CMIP: variants seen among roughly 807,000 people sequenced by gnomAD.
The protein encoded by CMIP is c-Maf inducing protein.
CMIP carries 13 observed loss-of-function variants against 97.3 expected under a neutral mutation model. The observed-to-expected ratio is 0.13, with a 90% CI of 0.09 to 0.21. The LOEUF (loss-of-function observed/expected upper bound fraction) is 0.21. Among genes scored for constraint, CMIP ranks in the 10% least tolerant of loss-of-function variants. The pLI is 1.00. For missense variants in CMIP, 847 were observed against 1,024.9 expected (o/e 0.83, Z 2.37); for synonymous variants, 538 against 436.3 (o/e 1.23, Z -2.91).
chr16:81,638,517 C>A (rs1339627634), intron 3 of CMIP, among the ~76,000 whole-genome samples: 1 of 152,002 alleles, frequency 6.6e-6, no homozygotes, highest in African/African-American at 2.4e-5. Context: ...GTATCCTTAT[C>A]AAGGCCAGAG....
chr16:81,634,408 A>G (rs2092207726), intron 3 of CMIP, among the ~76,000 whole-genome samples: 1 of 152,064 alleles, frequency 6.6e-6, no homozygotes, highest in Admixed American at 6.5e-5. Context: ...TTCTGTAACC[A>G]TTTCACCTTC....
chr16:81,630,643 G>A (rs1415642251), intron 3 of CMIP: 1 of 152,262 alleles, frequency 6.6e-6, no homozygotes, highest in Non-Finnish European at 1.5e-5. Context: ...AAGGAAGGCA[G>A]AATGGTGGGG....
intron 1 of CMIP, among the ~76,000 whole-genome samples, chr16:81,457,530 C>A (rs1906626302): frequency 6.6e-6 from 1 of 152,200 alleles, no homozygotes; most frequent in African/African-American, 2.4e-5. Flanking sequence ...CCTCCACCTG[C>A]CAGGTGCTGG....
intron 11 of CMIP, among the ~76,000 whole-genome samples, chr16:81,692,805 G>A (rs765189696): frequency 1.3e-5 from 2 of 152,160 alleles, no homozygotes; most frequent in African/African-American, 2.4e-5. Flanking sequence ...AATGAGTGCC[G>A]CCCGCCTTAA....
intron 1 of CMIP, among the ~76,000 whole-genome samples, chr16:81,602,322 T>C (rs1214396861): frequency 6.6e-6 from 1 of 152,258 alleles, no homozygotes; most frequent in Non-Finnish European, 1.5e-5. Flanking sequence ...ATTAAAATAA[T>C]CAGGAAAGTC....
intron 1 of CMIP, among the ~76,000 whole-genome samples, chr16:81,452,394 A>G (rs1457894953): frequency 1.3e-5 from 2 of 152,156 alleles, no homozygotes; most frequent in African/African-American, 4.8e-5. Flanking sequence ...GCCTCCATTC[A>G]GCAGTTAAGT....
chr16:81,651,475 C>G (rs1317621088), intron 3 of CMIP: 1 of 687,888 alleles, frequency 1.5e-6, no homozygotes, highest in East Asian at 1.3e-4. Context: ...GAGGGCAGCG[C>G]TGGATTTCCC....
intron 1 of CMIP, among the ~76,000 whole-genome samples, chr16:81,602,536 A>G (rs1442987062): frequency 6.6e-6 from 1 of 152,218 alleles, no homozygotes; most frequent in Admixed American, 6.5e-5. Flanking sequence ...TCGCCCCCAC[A>G]GTCAATACAG....
intron 18 of CMIP, among the ~76,000 whole-genome samples, chr16:81,704,699 G>A (rs12922021): frequency 5.9e-3 from 98 of 16,614 alleles, no homozygotes; most frequent in Admixed American, 0.01. Flanking sequence ...CCCTGCCCCC[G>A]TCACCCTCCT....
chr16:81,572,955 C>T (rs2091121205), intron 1 of CMIP, among the ~76,000 whole-genome samples: 1 of 152,200 alleles, frequency 6.6e-6, no homozygotes. Context: ...CAAATATCAG[C>T]AAGTTTCACA....
intron 1 of CMIP, among the ~76,000 whole-genome samples, chr16:81,504,884 T>C (rs1258496576): frequency 6.6e-6 from 1 of 152,186 alleles, no homozygotes; most frequent in Admixed American, 6.5e-5. Context: ...TTCAAAAATA[T>C]TGGTTTACAG....
At chr16:81,537,308 G>A (rs1014597017) in intron 1 of CMIP, among the ~76,000 whole-genome samples, 100 of 152,118 alleles carry the variant, frequency 6.6e-4, no homozygotes, top group African/African-American at 2.3e-3. Flanking sequence ...GCCGAGGTGG[G>A]CGGATCACTT....
chr16:81,610,120 G>A (rs2091807148), intron 2 of CMIP, among the ~76,000 whole-genome samples: 1 of 152,188 alleles, frequency 6.6e-6, no homozygotes, highest in South Asian at 2.1e-4. Context: ...TCTGGGGCTG[G>A]AGGGGCAGCC....
chr16:81,494,258 T>G (rs1311635704), intron 1 of CMIP, among the ~76,000 whole-genome samples: 1 of 152,084 alleles, frequency 6.6e-6, no homozygotes, highest in East Asian at 1.9e-4. Flanking sequence ...CCTTCCCCTC[T>G]CGGTTGCCAG....
chr16:81,632,019 CT>C (rs2092168611), intron 3 of CMIP: 1 of 152,190 alleles, frequency 6.6e-6, no homozygotes, highest in Non-Finnish European at 1.5e-5. Context: ...CTAAATCTCT[CT>C]TAACTTCTTT....
At chr16:81,560,343 C>T (rs1358354014) in intron 1 of CMIP, among the ~76,000 whole-genome samples, 1 of 151,384 alleles carries the variant, frequency 6.6e-6, no homozygotes, top group African/African-American at 2.4e-5. Flanking sequence ...CTCAGCCTCC[C>T]CAGTAGCTGG....
chr16:81,461,780 G>T (rs754515288), intron 1 of CMIP, among the ~76,000 whole-genome samples: 5 of 152,224 alleles, frequency 3.3e-5, no homozygotes, highest in Admixed American at 6.5e-5. Context: ...CTTGTTGCTT[G>T]TAACTCTGGG....
rs542258991 is a variant in CMIP at position 81,696,904 on chromosome 16, C to G, written c.1638+237C>G. ...TTGGCTTTCCCAGTTGCACTCAGCT[C>G]TCACAGCACAGTGAGAAGACGACAC... On this transcript the variant is annotated intron_variant, in intron 14 of 20. Transcript: ENST00000537098. 865 of 575,374 alleles carry G rather than the reference C, an allele frequency of 1.5e-3. 7 individuals are homozygous for G. The highest frequency in any genetic ancestry group is 7.1e-4 in the Non-Finnish European group (228 of 323,388). The allele number at this position is 575,374 out of a possible 1,614,324, so 35.6% of individuals were successfully genotyped here.
At chr16:81,636,899 C>T (rs561431160) in intron 3 of CMIP, among the ~76,000 whole-genome samples, 2 of 143,382 alleles carry the variant, frequency 1.4e-5, no homozygotes, top group Admixed American at 1.4e-4. Context: ...TGTATGTCAA[C>T]ATAGATTATG....
Sources: gnomAD v4.1 joint callset for allele counts (sites outside exome capture counted in the v4.1 genomes callset) on GRCh38, gnomAD v4.1.1 for gene constraint, MANE v1.5 for transcripts, NCBI Gene and HGNC (gene_info 2026-07-23, HGNC 2026-07-21) for gene names.